CISD1: variants seen among roughly 807,000 people sequenced by gnomAD.
The protein encoded by CISD1 is CDGSH iron sulfur domain 1.
Under a neutral mutation model 12.0 loss-of-function variants are expected in CISD1, and 8 were observed. The ratio of observed to expected loss-of-function variants is 0.67; its 90% CI spans 0.39 to 1.20. The LOEUF (loss-of-function observed/expected upper bound fraction) is 1.20, where lower values mean the gene tolerates loss of function less well. CISD1 is among the 50% of genes most tolerant of loss of function. The probability of loss-of-function intolerance (pLI) is 0.01; values close to 1 mark genes in which losing one functional copy is unlikely to be tolerated. For missense variants in CISD1, 107 were observed against 132.7 expected, an observed-to-expected ratio of 0.81 and a Z score of 0.95; for synonymous variants, 38 against 42.2, an observed-to-expected ratio of 0.90 and a Z score of 0.39.
intron 1 of CISD1, among the ~76,000 whole-genome samples, chr10:58,271,686 T>C (rs1839251291): frequency 6.6e-6 from 1 of 152,166 alleles, no homozygotes; most frequent in Non-Finnish European, 1.5e-5. Flanking sequence ...TATAAATATA[T>C]GTTAAATATA....
At chr10:58,277,698 G>A (rs932043507) in intron 2 of CISD1, among the ~76,000 whole-genome samples, 1 of 151,384 alleles carries the variant, frequency 6.6e-6, no homozygotes, top group African/African-American at 2.4e-5. Flanking sequence ...GTATGCAGTA[G>A]AATTACGTTG....
At chr10:58,275,534 G>T (rs2132278791) in intron 1 of CISD1, among the ~76,000 whole-genome samples, 1 of 152,268 alleles carries the variant, frequency 6.6e-6, no homozygotes, top group South Asian at 2.1e-4. Flanking sequence ...AACTTAACTT[G>T]TCTTCTCAGT....
intron 1 of CISD1, among the ~76,000 whole-genome samples, chr10:58,276,540 A>G (rs535611336): frequency 1.3e-5 from 2 of 152,008 alleles, no homozygotes; most frequent in South Asian, 4.1e-4. Context: ...TCCTTTGAAA[A>G]TTAACATTAA....
chr10:58,269,747 C>T (rs1198069988), intron 1 of CISD1, among the ~76,000 whole-genome samples: 1 of 152,208 alleles, frequency 6.6e-6, no homozygotes, highest in African/African-American at 2.4e-5. Context: ...CGTGACTAAT[C>T]ACATCTTAGT....
chr10:58,283,284 G>T (rs1259741129), intron 2 of CISD1, among the ~76,000 whole-genome samples: 2 of 152,104 alleles, frequency 1.3e-5, no homozygotes, highest in Admixed American at 1.3e-4. Flanking sequence ...TCCACATAAA[G>T]ACAGTCTTAT....
At chr10:58,274,640 C>T (rs1186366910) in intron 1 of CISD1, among the ~76,000 whole-genome samples, 1 of 151,758 alleles carries the variant, frequency 6.6e-6, no homozygotes, top group Non-Finnish European at 1.5e-5. Flanking sequence ...GTGGCCCTTG[C>T]TAGGGGTTGG....
intron 2 of CISD1, among the ~76,000 whole-genome samples, chr10:58,284,394 T>C (rs1384808203): frequency 2.0e-5 from 3 of 151,652 alleles, no homozygotes; most frequent in African/African-American, 7.3e-5. Flanking sequence ...GCAAGACACA[T>C]AAGGCAGTAA....
chr10:58,271,221 A>G (rs933865576), intron 1 of CISD1, among the ~76,000 whole-genome samples: 1 of 102,552 alleles, frequency 9.8e-6, no homozygotes, highest in East Asian at 2.8e-4. Context: ...TTGTATTTTT[A>G]GTAGAGACGG....
chr10:58,286,817 A>G (rs895193342), intron 2 of CISD1, among the ~76,000 whole-genome samples: 1 of 152,250 alleles, frequency 6.6e-6, no homozygotes, highest in African/African-American at 2.4e-5. Context: ...TGATGTTAAA[A>G]AGGGAGATAT....
chr10:58,279,345 T>C (rs1839349957), intron 2 of CISD1, among the ~76,000 whole-genome samples: 1 of 152,094 alleles, frequency 6.6e-6, no homozygotes, highest in Non-Finnish European at 1.5e-5. Flanking sequence ...ATCCAAAACA[T>C]TTTGGATTTC....
At position 58,287,063 on chromosome 10, in the gene CISD1, C is replaced by T. The variant is rs1198672714; in HGVS notation, c.238-498C>T. Reference sequence around the variant, plus strand: ...AGCCTCCTGAGTAGCTGGGATTATGCGCACTCGCCACCATGCCTGGCTAAT... The same window carrying T: ...AGCCTCCTGAGTAGCTGGGATTATGTGCACTCGCCACCATGCCTGGCTAAT... On this transcript the variant is annotated intron_variant, in intron 2 of 2. Transcript: ENST00000333926. Among the ~76,000 whole-genome samples, 18 of 152,038 alleles carry T rather than the reference C, an allele frequency of 1.2e-4. 1 individual carries two copies. The highest frequency in any genetic ancestry group is 1.5e-5 in the Non-Finnish European group (1 of 68,004).
At chr10:58,270,244 G>A (rs1367292870) in intron 1 of CISD1, among the ~76,000 whole-genome samples, 1 of 152,148 alleles carries the variant, frequency 6.6e-6, no homozygotes, top group Non-Finnish European at 1.5e-5. Context: ...TTTTTAATAG[G>A]TAGTTTCCAA....
chr10:58,274,921 G>A (rs1468596062), intron 1 of CISD1, among the ~76,000 whole-genome samples: 2 of 152,144 alleles, frequency 1.3e-5, no homozygotes, highest in Non-Finnish European at 2.9e-5. Context: ...CACTTATCAT[G>A]ATGAGTTTCA....
At position 58,269,301 on chromosome 10, in the gene CISD1, C is replaced by A; in HGVS notation, c.28C>A (p.Arg10=). Residue 10 remains arginine, a synonymous_variant, in exon 1 of 3, where the codon CGA becomes AGA. Transcript: ENST00000333926. ...GAGTCTGACTTCCAGTTCCAGCGTA[C>A]GAGGTGAAGTGGGGCCTGGGAGCGG... is the stretch of plus-strand genomic sequence containing the variant. MSLTSSSSV[R]VEWIAAVTIA... 1 of 1,608,686 alleles carries A rather than the reference C, an allele frequency of 6.2e-7. No homozygotes were observed. The highest frequency in any genetic ancestry group is 8.5e-7 in the Non-Finnish European group (1 of 1,179,482).
At chr10:58,273,894 G>A (rs1378827042) in intron 1 of CISD1, among the ~76,000 whole-genome samples, 1 of 152,190 alleles carries the variant, frequency 6.6e-6, no homozygotes, top group Non-Finnish European at 1.5e-5. Context: ...AGCACTTTGG[G>A]AGGCCGAGGC....
Position 58,269,289 on chromosome 10 carries a change from A to G in CISD1, c.16A>G (p.Ser6Gly), listed in dbSNP as rs1011888138. 1.9e-6 allele frequency: 3 copies of G among 1,609,196 alleles called. No individual in the cohort carries two copies. Among genetic ancestry groups the G allele is most frequent in the Non-Finnish European group, 1.7e-6 (2 of 1,179,688 alleles). Residue 6 changes from serine (S) to glycine (G), a missense_variant, in exon 1 of 3, where the codon AGT becomes GGT. Ser to Gly is a moderately conservative substitution (Grantham distance 56, BLOSUM62 0). Coordinates refer to ENST00000333926, the MANE Select transcript of CISD1 (RefSeq NM_018464.5). MSLTS[S>G]SSVRVEWIAA... The stretch of plus-strand genomic sequence containing the variant: ...CGACGGCGCCATGAGTCTGACTTCC[A>G]GTTCCAGCGTACGAGGTGAAGTGGG...
rs1185958118 is a variant in CISD1, at chr10:58,287,597, G to A, written c.274G>A (p.Glu92Lys). ...FCDGAHTKHNEETGDNVGPLI... is the reference protein window; with the variant it reads ...FCDGAHTKHNKETGDNVGPLI... Reference sequence around the variant, plus strand: ...TGATGGGGCTCACACAAAACATAACGAAGAGACTGGAGACAATGTGGGCCC... The same window carrying A: ...TGATGGGGCTCACACAAAACATAACAAAGAGACTGGAGACAATGTGGGCCC... Residue 92 changes from glutamate (E) to lysine (K), a missense_variant, in exon 3 of 3, where the codon GAA becomes AAA. Physicochemically the swap from Glu to Lys is moderately conservative, Grantham distance 56. Coordinates refer to ENST00000333926, the MANE Select transcript of CISD1 (RefSeq NM_018464.5). 18 of 1,609,924 alleles carry A rather than the reference G, an allele frequency of 1.1e-5. No homozygotes were observed. Among genetic ancestry groups the A allele is most frequent in the East Asian group, 8.9e-5 (4 of 44,798 alleles).
intron 2 of CISD1, among the ~76,000 whole-genome samples, chr10:58,283,982 T>G (rs1418269050): frequency 6.6e-6 from 1 of 152,214 alleles, no homozygotes; most frequent in East Asian, 1.9e-4. Context: ...TTAAAACAAT[T>G]TAACAAATTT....
intron 2 of CISD1, among the ~76,000 whole-genome samples, chr10:58,286,692 G>C (rs1250174353): frequency 6.6e-6 from 1 of 152,014 alleles, no homozygotes; most frequent in African/African-American, 2.4e-5. Flanking sequence ...ATTTAGTTTT[G>C]TCCCTCTCCC....
Sources: gnomAD v4.1 joint callset for allele counts (sites outside exome capture counted in the v4.1 genomes callset) on GRCh38, gnomAD v4.1.1 for gene constraint, MANE v1.5 for transcripts, NCBI Gene and HGNC (gene_info 2026-07-23, HGNC 2026-07-21) for gene names.